Variants in BICRA observed in about 807,000 individuals in gnomAD.
BICRA encodes the protein BRD4-interacting chromatin-remodeling complex-associated protein.
In BICRA, 31 loss-of-function variants were observed where a neutral mutation model predicts 96.9. That is an observed-to-expected ratio of 0.32 (90% CI 0.24 to 0.43). The LOEUF is 0.43. Ranked by LOEUF, BICRA falls within the 20% of genes least tolerant of loss-of-function variation. The pLI, the probability that BICRA is intolerant of heterozygous loss-of-function variation, is 1.00. For synonymous variants in BICRA, 1,350 were observed against 1,071.8 expected, an observed-to-expected ratio of 1.26 and a Z score of -5.07; for missense variants, 2,283 against 2,190.3, an observed-to-expected ratio of 1.04 and a Z score of -0.84.
At position 47,698,974 on chromosome 19, in the gene BICRA, A is replaced by G; in HGVS notation, c.3407A>G (p.Glu1136Gly). Residue 1136 changes from glutamate (E) to glycine (G), a missense_variant, in exon 13 of 15, where the codon GAG becomes GGG. Coordinates refer to ENST00000594866, the MANE Select transcript of BICRA (RefSeq NM_001394372.1). This position sits in a 1 kb window ranked among gnomAD's most constrained non-coding sequence, Gnocchi z 4.8. Reference sequence around the variant, plus strand: ...CTTCCCTTCCTCGCAGTGGACGAGGAGTTTGAGACGGTCTCCACGCAGCTG... The same window carrying G: ...CTTCCCTTCCTCGCAGTGGACGAGGGGTTTGAGACGGTCTCCACGCAGCTG... ...SPSDYHKVDEEFETVSTQLLK... is the reference protein window; with the variant it reads ...SPSDYHKVDEGFETVSTQLLK... 1 of 1,582,262 alleles carries G rather than the reference A, an allele frequency of 6.3e-7. No individual in the cohort carries two copies.
chr19:47,673,505 G>A (rs1972896221), intron 2 of BICRA, 65 bp from the exon 3 acceptor site: 8 of 1,314,068 alleles, frequency 6.1e-6, no homozygotes, highest in Non-Finnish European at 8.8e-6. Context: ...AAGGGAGGGG[G>A]CCAGGCAAGC....
chr19:47,676,859 G>T (rs1217589183), intron 5 of BICRA, among the ~76,000 whole-genome samples: 4 of 151,762 alleles, frequency 2.6e-5, no homozygotes, highest in Admixed American at 2.6e-4. Flanking sequence ...CATCATTTTT[G>T]TATACCCTAA....
At chr19:47,628,069 G>A (rs960131060) in intron 1 of BICRA, among the ~76,000 whole-genome samples, 2 of 152,078 alleles carry the variant, frequency 1.3e-5, no homozygotes, top group South Asian at 4.2e-4. Context: ...CGCCGGGCCA[G>A]GGTGTGGGGT....
At chr19:47,685,832 A>G (rs1242668794) in intron 7 of BICRA, among the ~76,000 whole-genome samples, 1 of 151,426 alleles carries the variant, frequency 6.6e-6, no homozygotes, top group Admixed American at 6.6e-5. Context: ...GTTAACACAA[A>G]CAGAAATGCA....
chr19:47,687,901 A>G lies in BICRA; in HGVS notation c.2283+5749A>G, dbSNP rs188285189. ...TGTAGGGTAAATTTCTAGAAATAGAATTGCCAGACGTAGATGATAAGCTTT... is the reference window on the plus strand; with the variant it reads ...TGTAGGGTAAATTTCTAGAAATAGAGTTGCCAGACGTAGATGATAAGCTTT... On this transcript the variant is annotated intron_variant, in intron 7 of 14. Coordinates refer to ENST00000594866, the MANE Select transcript of BICRA (RefSeq NM_001394372.1). Among the ~76,000 whole-genome samples the G allele has an allele frequency of 2.0e-3, 302 of 152,088 alleles. 3 individuals carry two copies. The highest frequency in any genetic ancestry group is 4.8e-3 in the South Asian group (23 of 4,822).
At chr19:47,651,666 A>G (rs1220816819) in intron 1 of BICRA, among the ~76,000 whole-genome samples, 2 of 152,120 alleles carry the variant, frequency 1.3e-5, no homozygotes, top group Non-Finnish European at 2.9e-5. Flanking sequence ...GAACAGCACG[A>G]TCTTAAATAA....
In BICRA at chr19:47,675,865, C is replaced by A. The variant is rs1972932359; in HGVS notation, c.99C>A (p.Asp33Glu). ...LHGSEKLDSD[D>E]LLDNPGEAQS... ...TCTTGTTGCAGCTTGACAGTGATGA[C>A]CTCCTGGATAATCCCGGGGAGGCCC... Residue 33 changes from aspartate to glutamate, a missense_variant, in exon 5 of 15, where the codon GAC becomes GAA. Coordinates refer to ENST00000594866, the MANE Select transcript of BICRA (RefSeq NM_001394372.1). The surrounding 1 kb of genome is among the most constrained non-coding windows in gnomAD (Gnocchi z 4.7). 1.2e-6 allele frequency: 2 copies of A among 1,607,496 alleles called. No individual in the cohort carries two copies. Among genetic ancestry groups the A allele is most frequent in the East Asian group, 2.2e-5 (1 of 44,686 alleles).
rs778696837 is a variant in BICRA at position 47,701,585 on chromosome 19, G to A, written c.3853G>A (p.Glu1285Lys). ...TGCCGCCTCCTCCTTGGACGCCGAC[G>A]AGGACGGCCCCATGCCCTCCCGCAA... is the stretch of plus-strand genomic sequence containing the variant. ...SSAASSLDAD[E>K]DGPMPSRNRP... The change falls in exon 15 of 15, where the codon GAG (glutamate) becomes AAG (lysine). Residue 1285 changes from glutamate (E) to lysine (K), a missense_variant. By Grantham distance (56) the Glu-to-Lys change is moderately conservative (BLOSUM62 1). Transcript: ENST00000594866. This position sits in a 1 kb window ranked among gnomAD's most constrained non-coding sequence, Gnocchi z 5.4. The A allele has an allele frequency of 3.2e-6, 5 of 1,556,226 alleles. No homozygotes were observed. The highest frequency in any genetic ancestry group is 4.3e-6 in the Non-Finnish European group (5 of 1,150,832).
At chr19:47,690,257 C>A (rs1973221707) in intron 7 of BICRA, among the ~76,000 whole-genome samples, 1 of 152,164 alleles carries the variant, frequency 6.6e-6, no homozygotes, top group Non-Finnish European at 1.5e-5. Flanking sequence ...CCGCCTCAGC[C>A]TCCCAAAGTG....
At chr19:47,665,931 G>T (rs1019701976) in intron 1 of BICRA, among the ~76,000 whole-genome samples, 4 of 152,186 alleles carry the variant, frequency 2.6e-5, no homozygotes, top group African/African-American at 9.7e-5. Context: ...GTGGGGCCGG[G>T]GACTTCTGTC....
At chr19:47,682,187 A>C in intron 7 of BICRA, 35 bp downstream of exon 7, 1 of 998,650 alleles carries the variant, frequency 1.0e-6, no homozygotes, top group Non-Finnish European at 1.5e-6. Flanking sequence ...TCCGCAGCAC[A>C]GACCCAGCCT....
intron 1 of BICRA, among the ~76,000 whole-genome samples, chr19:47,626,885 C>T (rs1372892078): frequency 6.6e-6 from 1 of 151,924 alleles, no homozygotes; most frequent in Non-Finnish European, 1.5e-5. Flanking sequence ...CCACACCCAG[C>T]TAATTTTTGT....
At position 47,629,468 on chromosome 19, in the gene BICRA, C is replaced by T. The variant is rs76724064; in HGVS notation, c.-108+20300C>T. 5.9e-3 allele frequency among the ~76,000 whole-genome samples: 902 copies of T among 152,250 alleles called. 8 individuals carry two copies. The highest frequency in any genetic ancestry group is 0.02 in the African/African-American group (835 of 41,556). On this transcript the variant is annotated intron_variant, in intron 1 of 14. Coordinates refer to ENST00000594866, the MANE Select transcript of BICRA (RefSeq NM_001394372.1). ...TGGCTTATTTCACTTATTGTATTGTCCTGAAGGCTTATTCGTGGTGTGGCA... is the reference window on the plus strand; with the variant it reads ...TGGCTTATTTCACTTATTGTATTGTTCTGAAGGCTTATTCGTGGTGTGGCA...
At chr19:47,640,447 T>A (rs897097501) in intron 1 of BICRA, among the ~76,000 whole-genome samples, 5 of 151,732 alleles carry the variant, frequency 3.3e-5, no homozygotes, top group African/African-American at 9.7e-5. Context: ...GGAGAATCAC[T>A]TGAACCTGGG....
intron 1 of BICRA, among the ~76,000 whole-genome samples, chr19:47,621,060 A>G (rs1195768462): frequency 2.0e-5 from 3 of 152,088 alleles, no homozygotes; most frequent in African/African-American, 7.2e-5. Context: ...GAGGGAATGA[A>G]TGGGAACCTG....
chr19:47,639,212 T>C (rs1568553711), intron 1 of BICRA, among the ~76,000 whole-genome samples: 1 of 151,760 alleles, frequency 6.6e-6, no homozygotes, highest in African/African-American at 2.4e-5. Flanking sequence ...TTCATCATGT[T>C]GCCCAGGCTG....
In BICRA at chr19:47,698,569, C is replaced by T; in HGVS notation, c.3249-65C>T. On this transcript the variant is annotated intron_variant, in intron 11 of 14. Transcript: ENST00000594866. This position sits in a 1 kb window ranked among gnomAD's most constrained non-coding sequence, Gnocchi z 4.8. ...CCTGGGGCTGAGGGTTCAGGGACTT[C>T]CCCTGGCCCTCACCCGTCCCCCCCA... is the stretch of plus-strand genomic sequence containing the variant. 1 of 754,874 alleles carries T rather than the reference C, an allele frequency of 1.3e-6. No individual in the cohort carries two copies. Among genetic ancestry groups the T allele is most frequent in the Non-Finnish European group, 2.4e-6 (1 of 413,884 alleles). The allele number at this position is 754,874 out of a possible 1,614,324, so 46.8% of individuals were successfully genotyped here. A position where few individuals can be genotyped will look rare whatever the true frequency, so the allele number is the denominator to read the frequency against.
At chr19:47,649,467 G>A (rs1002225310) in intron 1 of BICRA, among the ~76,000 whole-genome samples, 17 of 152,114 alleles carry the variant, frequency 1.1e-4, no homozygotes, top group African/African-American at 3.4e-4. Flanking sequence ...TCTCTGCCTC[G>A]AAGATCTTGT....
At chr19:47,666,045 A>G (rs1972773743) in intron 1 of BICRA, among the ~76,000 whole-genome samples, 1 of 152,214 alleles carries the variant, frequency 6.6e-6, no homozygotes, top group Admixed American at 6.5e-5. Flanking sequence ...ACTGCTTACA[A>G]AGTACTTTAG....
Sources: allele counts gnomAD v4.1 joint callset (sites outside exome capture counted in the v4.1 genomes callset), GRCh38; gene constraint gnomAD v4.1.1; non-coding constraint Gnocchi (gnomAD v3.1); transcripts MANE v1.5; gene names NCBI Gene and HGNC (gene_info 2026-07-23, HGNC 2026-07-21).